Variants in DIP2C observed in about 807,000 individuals in gnomAD.
DIP2C encodes the protein disco-interacting protein 2 homolog C.
DIP2C carries 33 observed loss-of-function variants against 192.4 expected under a neutral mutation model. The observed-to-expected ratio is 0.17, with a 90% CI of 0.13 to 0.23. The LOEUF is 0.23. Ranked by LOEUF, DIP2C falls within the 10% of genes least tolerant of loss-of-function variation. The pLI, the probability that DIP2C is intolerant of heterozygous loss-of-function variation, is 1.00. For synonymous variants in DIP2C, 979 were observed against 864.1 expected (o/e 1.13, Z -2.33); for missense variants, 1,537 against 2,110.1 (o/e 0.73, Z 5.32).
At chr10:462,401 T>C (rs905587110) in intron 3 of DIP2C, among the ~76,000 whole-genome samples, 2 of 152,178 alleles carry the variant, frequency 1.3e-5, no homozygotes, top group African/African-American at 2.4e-5. Context: ...AACATCTCTA[T>C]GCAAATAAAC....
At chr10:603,974 A>T (rs61832973) in intron 1 of DIP2C, among the ~76,000 whole-genome samples, 11,054 of 139,590 alleles carry the variant, frequency 0.079, 1,068 homozygotes, top group African/African-American at 0.24. Context: ...CTTGGCCCCA[A>T]GCCCCTCCGG....
intron 17 of DIP2C, among the ~76,000 whole-genome samples, chr10:378,977 TAA>T (rs1409088908): frequency 6.6e-6 from 1 of 152,250 alleles, no homozygotes; most frequent in Non-Finnish European, 1.5e-5. Context: ...CTCATGTTTT[TAA>T]AGACTCTCAA....
At chr10:362,389 G>T in intron 22 of DIP2C, 101 bp downstream of exon 22, 1 of 1,360,816 alleles carries the variant, frequency 7.3e-7, no homozygotes, top group Non-Finnish European at 9.9e-7. Flanking sequence ...GCAAGCATCA[G>T]CTTCCTGCAA....
intron 15 of DIP2C, 117 bp downstream of exon 15, chr10:384,429 G>A: frequency 2.9e-6 from 3 of 1,046,542 alleles, no homozygotes; most frequent in East Asian, 2.4e-5. Context: ...GTAGAAACGG[G>A]GTTTCTCCAT....
At chr10:385,005 G>A (rs562968234) in intron 14 of DIP2C, among the ~76,000 whole-genome samples, 1 of 150,936 alleles carries the variant, frequency 6.6e-6, no homozygotes, top group Admixed American at 6.6e-5. Context: ...GCCCGGAAGA[G>A]CAGCAGGTCT....
At chr10:398,941 C>T (rs374359072) in intron 10 of DIP2C, among the ~76,000 whole-genome samples, 168 bp downstream of exon 10, 3 of 152,230 alleles carry the variant, frequency 2.0e-5, no homozygotes, top group Non-Finnish European at 2.9e-5. Flanking sequence ...ACCTCCAGGA[C>T]GCCCATCCCA....
chr10:301,306 G>A (rs1956033938), intron 32 of DIP2C, among the ~76,000 whole-genome samples: 1 of 152,214 alleles, frequency 6.6e-6, no homozygotes, highest in South Asian at 2.1e-4. Flanking sequence ...TACATGCAGA[G>A]AAACGACTTC....
intron 1 of DIP2C, among the ~76,000 whole-genome samples, chr10:558,062 T>A (rs1226228681): frequency 6.6e-6 from 1 of 152,116 alleles, no homozygotes; most frequent in African/African-American, 2.4e-5. Flanking sequence ...AGCAACAGCA[T>A]CTTCAGATTA....
intron 1 of DIP2C, among the ~76,000 whole-genome samples, chr10:658,246 A>C (rs1483896932): frequency 7.8e-5 from 9 of 115,172 alleles, no homozygotes; most frequent in Admixed American, 1.8e-4. Context: ...GCTGGACCTG[A>C]TGCTGGACCT....
At chr10:390,950 C>A in intron 10 of DIP2C, 87 bp from the exon 11 acceptor site, 6 of 1,543,904 alleles carry the variant, frequency 3.9e-6, no homozygotes, top group South Asian at 1.2e-5. Context: ...TTCACACAGA[C>A]CCTCGAGTCT....
intron 1 of DIP2C, among the ~76,000 whole-genome samples, chr10:498,937 C>T (rs1011231921): frequency 2.6e-5 from 4 of 152,174 alleles, no homozygotes; most frequent in Admixed American, 1.3e-4. Flanking sequence ...ATCTGCATGC[C>T]GGCATTTCTC....
chr10:350,042 G>A (rs1958716285), intron 24 of DIP2C, among the ~76,000 whole-genome samples: 1 of 152,198 alleles, frequency 6.6e-6, no homozygotes, highest in African/African-American at 2.4e-5. Flanking sequence ...AGGGTTGTGA[G>A]GGAAGGTGAG....
chr10:594,176 G>A (rs2131655814), intron 1 of DIP2C, among the ~76,000 whole-genome samples: 1 of 152,286 alleles, frequency 6.6e-6, no homozygotes. Flanking sequence ...GGCCAGACAT[G>A]GACCCAGGGA....
intron 1 of DIP2C, among the ~76,000 whole-genome samples, chr10:606,807 A>C (rs967082798): frequency 2.0e-5 from 3 of 152,066 alleles, no homozygotes; most frequent in Non-Finnish European, 2.9e-5. Flanking sequence ...GGGAAGCTAC[A>C]CACGCACATC....
chr10:617,712 T>C (rs1853570323), intron 1 of DIP2C, among the ~76,000 whole-genome samples: 1 of 134,708 alleles, frequency 7.4e-6, no homozygotes, highest in African/African-American at 2.9e-5. Flanking sequence ...CGAAGGAGGC[T>C]GAGAAACCAC....
At position 277,114 on chromosome 10, in the gene DIP2C, C is replaced by T. The variant is rs1434729040; in HGVS notation, c.*211G>A. On this transcript the variant is annotated 3_prime_UTR_variant, in exon 37 of 37. Transcript: ENST00000280886. ...AAACTGAAGGCAGTAATCCAAAGTC[C>T]TTCTGAGCGAAATTCAGTGGTAAAT... 28 of 620,514 alleles carry T rather than the reference C, an allele frequency of 4.5e-5. No individual in the cohort carries two copies. The highest frequency in any genetic ancestry group is 2.8e-5 in the Non-Finnish European group (11 of 391,070). The allele number at this position is 620,514 out of a possible 1,614,324, so 38.4% of individuals were successfully genotyped here.
At chr10:415,556 C>G (rs1483163635) in intron 7 of DIP2C, among the ~76,000 whole-genome samples, 1 of 152,170 alleles carries the variant, frequency 6.6e-6, no homozygotes, top group African/African-American at 2.4e-5. Flanking sequence ...ACAAAATCAA[C>G]TCCCACAGAG....
At chr10:369,397 C>T (rs976070634) in intron 18 of DIP2C, 97 bp downstream of exon 18, 61 of 1,434,876 alleles carry the variant, frequency 4.3e-5, no homozygotes, top group South Asian at 2.5e-4. Context: ...GGGCACACCA[C>T]GGGAACGCGG....
intron 1 of DIP2C, among the ~76,000 whole-genome samples, chr10:489,410 T>C (rs1261078844): frequency 2.0e-5 from 3 of 152,212 alleles, no homozygotes; most frequent in Admixed American, 6.5e-5. Context: ...ACAGAGATGA[T>C]GGACAGATGG....
Sources: allele counts gnomAD v4.1 joint callset (sites outside exome capture counted in the v4.1 genomes callset), GRCh38; gene constraint gnomAD v4.1.1; transcripts MANE v1.5; gene names NCBI Gene and HGNC (gene_info 2026-07-23, HGNC 2026-07-21).